FSHR: variants seen among roughly 807,000 people sequenced by gnomAD.
The protein encoded by FSHR is follicle stimulating hormone receptor.
FSHR carries 46 observed loss-of-function variants against 52.1 expected under a neutral mutation model. The ratio of observed to expected loss-of-function variants is 0.88; its 90% CI spans 0.70 to 1.13. FSHR has a LOEUF of 1.13. FSHR is among the 50% of genes most tolerant of loss of function. The pLI, the probability that FSHR is intolerant of heterozygous loss-of-function variation, is 0.00. For missense variants in FSHR, 964 were observed against 834.6 expected (o/e 1.16, Z -1.91); for synonymous variants, 399 against 309.6 (o/e 1.29, Z -3.03).
At chr2:49,141,377 G>A (rs930499690) in intron 1 of FSHR, among the ~76,000 whole-genome samples, 5 of 152,042 alleles carry the variant, frequency 3.3e-5, no homozygotes, top group African/African-American at 4.8e-5. Context: ...TGGCTTCTGC[G>A]GAGGCCTCAG....
At chr2:49,120,126 C>T (rs1671756308) in intron 1 of FSHR, among the ~76,000 whole-genome samples, 1 of 152,146 alleles carries the variant, frequency 6.6e-6, no homozygotes, top group East Asian at 1.9e-4. Context: ...AAAAAATTAT[C>T]TGGGCATGGT....
chr2:48,979,024 A>G (rs892845078), intron 8 of FSHR, among the ~76,000 whole-genome samples: 1 of 152,192 alleles, frequency 6.6e-6, no homozygotes, highest in Non-Finnish European at 1.5e-5. Context: ...AGGCTTCCCA[A>G]TTCCCAATAT....
At chr2:49,030,094 G>A (rs989599558) in intron 2 of FSHR, among the ~76,000 whole-genome samples, 1 of 152,152 alleles carries the variant, frequency 6.6e-6, no homozygotes, top group African/African-American at 2.4e-5. Context: ...TTTACCACTC[G>A]AAGCCCTGGA....
intron 1 of FSHR, among the ~76,000 whole-genome samples, chr2:49,117,138 A>G (rs1368548709): frequency 6.6e-6 from 1 of 152,172 alleles, no homozygotes; most frequent in Admixed American, 6.5e-5. Flanking sequence ...AAAAAGGTTC[A>G]CAGGAGAAGT....
At chr2:49,065,588 G>C (rs530089161) in intron 2 of FSHR, among the ~76,000 whole-genome samples, 55 of 152,190 alleles carry the variant, frequency 3.6e-4, no homozygotes, top group Non-Finnish European at 6.0e-4. Flanking sequence ...TGAATATGTT[G>C]AATTCCAGGT....
At chr2:49,153,845 T>A (rs1673147958) in intron 1 of FSHR, among the ~76,000 whole-genome samples, 1 of 152,154 alleles carries the variant, frequency 6.6e-6, no homozygotes, top group South Asian at 2.1e-4. Context: ...CCTTTTAGAT[T>A]CAGTGTCCTC....
At chr2:49,054,382 G>T (rs767264393) in intron 2 of FSHR, among the ~76,000 whole-genome samples, 3 of 152,066 alleles carry the variant, frequency 2.0e-5, no homozygotes, top group Non-Finnish European at 2.9e-5. Flanking sequence ...AACAGCCCCA[G>T]AATCCACCCA....
At chr2:49,128,023 G>T (rs1672128216) in intron 1 of FSHR, among the ~76,000 whole-genome samples, 1 of 150,978 alleles carries the variant, frequency 6.6e-6, no homozygotes, top group Admixed American at 6.6e-5. Context: ...CTCCCAAGTA[G>T]CTGGGATTAC....
intron 1 of FSHR, among the ~76,000 whole-genome samples, chr2:49,102,888 G>A (rs1671085820): frequency 6.6e-6 from 1 of 152,062 alleles, no homozygotes; most frequent in African/African-American, 2.4e-5. Flanking sequence ...GTGAGATCAA[G>A]GATGGAAAGG....
intron 9 of FSHR, among the ~76,000 whole-genome samples, chr2:48,966,886 A>G (rs1674500004): frequency 6.6e-6 from 1 of 152,174 alleles, no homozygotes; most frequent in African/African-American, 2.4e-5. Flanking sequence ...TAGAGCAGCA[A>G]CCTAGAGGGA....
At chr2:49,129,565 G>A (rs963457411) in intron 1 of FSHR, among the ~76,000 whole-genome samples, 1 of 152,166 alleles carries the variant, frequency 6.6e-6, no homozygotes, top group Non-Finnish European at 1.5e-5. Context: ...TTGTGTACAA[G>A]ACAGGGAAAT....
intron 4 of FSHR, among the ~76,000 whole-genome samples, chr2:49,013,527 A>ATAT (rs1558389601): frequency 6.4e-5 from 9 of 140,738 alleles, no homozygotes; most frequent in African/African-American, 2.2e-4. Flanking sequence ...AATATATATA[A>ATAT]AAATATATAT....
rs1251069490 is a variant in FSHR, at chr2:48,963,445, G to A, written c.1376C>T (p.Thr459Ile). ...TVFASELSVY[T>I]LTAITLERWH... ...TCTTTCCAAGGTGATAGCTGTCAGAGTGTAGACTGACAGCTCACTGGCAAA... is the reference window on the plus strand; with the variant it reads ...TCTTTCCAAGGTGATAGCTGTCAGAATGTAGACTGACAGCTCACTGGCAAA... Residue 459 changes from threonine to isoleucine, a missense_variant, in exon 10 of 10, where the codon ACT becomes ATT. Thr to Ile is a moderately conservative substitution (Grantham distance 89, BLOSUM62 -1). Coordinates refer to ENST00000406846, the MANE Select transcript of FSHR (RefSeq NM_000145.4). 3.7e-6 allele frequency: 6 copies of A among 1,614,062 alleles called. No homozygotes were observed. In the Admixed American group the frequency reaches 8.3e-5, roughly 22 times the overall value.
intron 4 of FSHR, among the ~76,000 whole-genome samples, chr2:48,992,476 C>CCA (rs1485163394): frequency 6.6e-5 from 10 of 152,168 alleles, no homozygotes; most frequent in African/African-American, 2.4e-4. Flanking sequence ...ACAGCCACTG[C>CCA]CAGGGAAGTG....
rs933960260 is a variant in FSHR at position 49,148,262 on chromosome 2, G to A, written c.152+6004C>T. 1.3e-4 allele frequency among the ~76,000 whole-genome samples: 20 copies of A among 151,834 alleles called. 1 individual carries two copies. Among genetic ancestry groups the A allele is most frequent in the East Asian group, 3.9e-4 (2 of 5,186 alleles). On this transcript the variant is annotated intron_variant, in intron 1 of 9. Coordinates refer to ENST00000406846, the MANE Select transcript of FSHR (RefSeq NM_000145.4). The stretch of plus-strand genomic sequence containing the variant: ...TCAGTAGACCTTGTTTCTAGTCAAC[G>A]TCTCTTTCTTTCTGTATAAATTAAT...
At position 49,107,960 on chromosome 2, in the gene FSHR, C is replaced by T. The variant is rs529632517; in HGVS notation, c.153-39670G>A. ...TAGTATGATCATGAAGGTTTTCTGTCAACCAAGAGATGCCCAGTGCAAACA... is the reference window on the plus strand; with the variant it reads ...TAGTATGATCATGAAGGTTTTCTGTTAACCAAGAGATGCCCAGTGCAAACA... On this transcript the variant is annotated intron_variant, in intron 1 of 9. Transcript: ENST00000406846. Among the ~76,000 whole-genome samples the T allele has an allele frequency of 2.6e-5, 4 of 152,262 alleles. No individual in the cohort carries two copies. The East Asian group carries it at 7.7e-4, about 29-fold the overall frequency.
chr2:49,041,611 G>A (rs898885852), intron 2 of FSHR, among the ~76,000 whole-genome samples: 2 of 152,060 alleles, frequency 1.3e-5, no homozygotes, highest in Admixed American at 6.6e-5. Context: ...ATTATTCTGA[G>A]GAAGGCCCAA....
At chr2:48,973,120 T>C (rs765818130) in intron 8 of FSHR, among the ~76,000 whole-genome samples, 48 of 152,234 alleles carry the variant, frequency 3.2e-4, no homozygotes, top group Non-Finnish European at 5.7e-4. Context: ...TCTTCTACAT[T>C]GGTCTTAACA....
rs1043560893 is a variant in FSHR, at chr2:48,966,077, G to A, written c.855-2111C>T. On this transcript the variant is annotated intron_variant, in intron 9 of 9. Coordinates refer to ENST00000406846, the MANE Select transcript of FSHR (RefSeq NM_000145.4). Reference sequence around the variant, plus strand: ...TGGTCAGTGTAGGTCAAGTTATTTAGTATCTCTGAGCCTTAGTTTCTGTCT... The same window carrying A: ...TGGTCAGTGTAGGTCAAGTTATTTAATATCTCTGAGCCTTAGTTTCTGTCT... Among the ~76,000 whole-genome samples the A allele has an allele frequency of 2.6e-5, 4 of 152,086 alleles. No individual in the cohort carries two copies. The East Asian group carries it at 5.8e-4, about 22-fold the overall frequency.
Sources: allele counts gnomAD v4.1 joint callset (sites outside exome capture counted in the v4.1 genomes callset), GRCh38; gene constraint gnomAD v4.1.1; transcripts MANE v1.5; gene names NCBI Gene and HGNC (gene_info 2026-07-23, HGNC 2026-07-21).